NAV2: variants seen among roughly 807,000 people sequenced by gnomAD.
The protein encoded by NAV2 is helicase, APC down-regulated 1.
In NAV2, 54 loss-of-function variants were observed where a neutral mutation model predicts 223.2. The ratio of observed to expected loss-of-function variants is 0.24; its 90% confidence interval spans 0.19 to 0.30. The LOEUF (loss-of-function observed/expected upper bound fraction) is 0.30. NAV2 is among the 10% of genes least tolerant of loss of function. NAV2 has a pLI of 1.00. For missense variants in NAV2, 2,806 were observed against 3,147.5 expected (o/e 0.89, Z 2.60); for synonymous variants, 1,279 against 1,239.3 (o/e 1.03, Z -0.67).
intron 1 of NAV2, among the ~76,000 whole-genome samples, chr11:19,649,082 A>G (rs1182543010): frequency 6.6e-6 from 1 of 152,204 alleles, no homozygotes; most frequent in East Asian, 1.9e-4. Flanking sequence ...GTGTACTTAC[A>G]GCTCCAGTTT....
At chr11:20,040,186 G>A (rs546976819) in intron 12 of NAV2, among the ~76,000 whole-genome samples, 20 of 152,252 alleles carry the variant, frequency 1.3e-4, no homozygotes, top group Non-Finnish European at 2.4e-4. Flanking sequence ...ATCTAGATCC[G>A]CAAGGGATAT....
chr11:19,942,506 T>C (rs2046484204), intron 8 of NAV2, among the ~76,000 whole-genome samples: 1 of 152,212 alleles, frequency 6.6e-6, no homozygotes, highest in Admixed American at 6.5e-5. Context: ...TTGTCCAGGG[T>C]CAAGTGGCTA....
At chr11:19,794,514 C>G (rs1031803922) in intron 1 of NAV2, among the ~76,000 whole-genome samples, 17 of 152,160 alleles carry the variant, frequency 1.1e-4, no homozygotes, top group African/African-American at 4.1e-4. Flanking sequence ...AATATAACAA[C>G]TATTTTCCCC....
At chr11:19,690,900 G>A (rs147288699) in intron 1 of NAV2, among the ~76,000 whole-genome samples, 836 of 152,272 alleles carry the variant, frequency 5.5e-3, no homozygotes, top group Non-Finnish European at 9.7e-3. Context: ...CCAGATCCCC[G>A]ATTTTCAGCA....
chr11:20,105,873 C>G, intron 35 of NAV2, 146 bp downstream of exon 35: 1 of 668,496 alleles, frequency 1.5e-6, no homozygotes, highest in South Asian at 2.0e-5. Flanking sequence ...GGGACAGTCA[C>G]AGACCAGGTA....
intron 1 of NAV2, among the ~76,000 whole-genome samples, chr11:19,364,008 A>G (rs1173549531): frequency 1.3e-5 from 2 of 152,068 alleles, no homozygotes; most frequent in African/African-American, 2.4e-5. Context: ...ATGGATTTTT[A>G]TGGAAGTTTC....
At chr11:19,577,828 C>A (rs970323486) in intron 1 of NAV2, among the ~76,000 whole-genome samples, 1 of 152,168 alleles carries the variant, frequency 6.6e-6, no homozygotes, top group African/African-American at 2.4e-5. Context: ...GCAGCAGGAG[C>A]AAGATGCTCA....
At chr11:19,980,057 C>T (rs1389653727) in intron 10 of NAV2, among the ~76,000 whole-genome samples, 1 of 152,210 alleles carries the variant, frequency 6.6e-6, no homozygotes, top group Non-Finnish European at 1.5e-5. Flanking sequence ...CTAGGTCCTT[C>T]AGCCAGCAAG....
chr11:19,777,609 G>A (rs1182726681), intron 1 of NAV2: 1 of 442,772 alleles, frequency 2.3e-6, no homozygotes, highest in African/African-American at 2.0e-5. Flanking sequence ...ACTGGCCCGG[G>A]TGGTGGAAAG....
chr11:20,071,106 G>GCCCCCCCCC (rs35206561), intron 22 of NAV2, among the ~76,000 whole-genome samples: 14 of 128,374 alleles, frequency 1.1e-4, no homozygotes, highest in Non-Finnish European at 1.4e-4. Context: ...CCCTCCCCTA[G>GCCCCCCCCC]CCCCCCACCC....
intron 1 of NAV2, among the ~76,000 whole-genome samples, chr11:19,369,607 T>C (rs770950017): frequency 3.5e-4 from 54 of 152,278 alleles, no homozygotes; most frequent in Middle Eastern, 3.4e-3. Context: ...CTAGGTGCCC[T>C]AGGGAATCTT....
At chr11:19,396,421 C>T (rs1271984164) in intron 1 of NAV2, among the ~76,000 whole-genome samples, 10 of 152,122 alleles carry the variant, frequency 6.6e-5, no homozygotes, top group African/African-American at 1.2e-4. Flanking sequence ...ACATACAACC[C>T]ATGAGGGTGT....
chr11:19,796,668 G>C (rs2057920819), intron 1 of NAV2, among the ~76,000 whole-genome samples: 1 of 152,172 alleles, frequency 6.6e-6, no homozygotes, highest in South Asian at 2.1e-4. Context: ...TGGAGGGAAG[G>C]CTGGTGGAGA....
At chr11:19,689,842 G>A (rs2049118155) in intron 1 of NAV2, among the ~76,000 whole-genome samples, 1 of 152,206 alleles carries the variant, frequency 6.6e-6, no homozygotes, top group South Asian at 2.1e-4. Flanking sequence ...GTGCTGAGTT[G>A]AAATAGAAAG....
At chr11:19,377,755 T>C (rs2729843) in intron 1 of NAV2, among the ~76,000 whole-genome samples, 51,025 of 151,952 alleles carry the variant, frequency 0.34, 8,775 homozygotes, top group East Asian at 0.5. Flanking sequence ...AGAATATGTA[T>C]TGGGAAGGAT....
intron 1 of NAV2, among the ~76,000 whole-genome samples, chr11:19,445,986 C>A (rs1851568878): frequency 6.6e-6 from 1 of 152,128 alleles, no homozygotes; most frequent in African/African-American, 2.4e-5. Context: ...GCTATGTCAT[C>A]CTGTCATATG....
At chr11:19,930,333 T>C (rs1359403791) in intron 6 of NAV2, among the ~76,000 whole-genome samples, 2 of 152,170 alleles carry the variant, frequency 1.3e-5, no homozygotes, top group Non-Finnish European at 2.9e-5. Flanking sequence ...ATAGAAATTA[T>C]AGTGGAGACA....
chr11:19,803,250 T>C (rs1316187751), intron 1 of NAV2, among the ~76,000 whole-genome samples: 1 of 152,236 alleles, frequency 6.6e-6, no homozygotes, highest in Non-Finnish European at 1.5e-5. Context: ...AGTTTATCTG[T>C]TGAACTCAGG....
chr11:19,641,845 T>C (rs1329832372), intron 1 of NAV2, among the ~76,000 whole-genome samples: 1 of 152,134 alleles, frequency 6.6e-6, no homozygotes, highest in Admixed American at 6.5e-5. Context: ...GCCCTTTGTC[T>C]ATTTCCTTTC....
Sources: allele counts gnomAD v4.1 joint callset (sites outside exome capture counted in the v4.1 genomes callset), GRCh38; gene constraint gnomAD v4.1.1; transcripts MANE v1.5; gene names NCBI Gene and HGNC (gene_info 2026-07-23, HGNC 2026-07-21).